The following SSBP3 variants were observed in gnomAD, a reference collection of about 807,000 sequenced individuals.
SSBP3 encodes the protein single stranded DNA binding protein 3.
Under a neutral mutation model 69.6 loss-of-function variants are expected in SSBP3, and 5 were observed. The ratio of observed to expected loss-of-function variants is 0.07; its 90% CI spans 0.04 to 0.15. The LOEUF is 0.15. SSBP3 is among the 10% of genes least tolerant of loss of function. The pLI, the probability that SSBP3 is intolerant of heterozygous loss-of-function variation, is 1.00. For synonymous variants in SSBP3, 196 were observed against 193.4 expected (o/e 1.01, Z -0.11); for missense variants, 312 against 534.0 (o/e 0.58, Z 4.10).
At chr1:54,380,141 C>T (rs1173679127) in intron 4 of SSBP3, among the ~76,000 whole-genome samples, 1 of 152,176 alleles carries the variant, frequency 6.6e-6, no homozygotes, top group African/African-American at 2.4e-5. Flanking sequence ...GGGCTGGGCG[C>T]CCAAGTTGGT....
intron 4 of SSBP3, among the ~76,000 whole-genome samples, chr1:54,311,586 G>A (rs1469007056): frequency 1.3e-5 from 2 of 152,106 alleles, no homozygotes; most frequent in African/African-American, 2.4e-5. Context: ...GAGAGCATGT[G>A]AGCCAGCCCC....
At chr1:54,325,127 C>T (rs1466586958) in intron 4 of SSBP3, among the ~76,000 whole-genome samples, 1 of 152,188 alleles carries the variant, frequency 6.6e-6, no homozygotes, top group Non-Finnish European at 1.5e-5. Flanking sequence ...ACTGCAGTTC[C>T]ATTTTATAAA....
chr1:54,373,425 T>C (rs999722826), intron 4 of SSBP3, among the ~76,000 whole-genome samples: 1 of 152,132 alleles, frequency 6.6e-6, no homozygotes, highest in African/African-American at 2.4e-5. Flanking sequence ...CCTCTGGGGC[T>C]GCCCTGGATG....
At chr1:54,323,077 T>A (rs1646242399) in intron 4 of SSBP3, among the ~76,000 whole-genome samples, 2 of 152,216 alleles carry the variant, frequency 1.3e-5, no homozygotes, top group Non-Finnish European at 2.9e-5. Flanking sequence ...CTTTTTGAGT[T>A]ATTTGGAACT....
intron 4 of SSBP3, among the ~76,000 whole-genome samples, chr1:54,308,286 G>A (rs546548303): frequency 1.2e-4 from 18 of 152,188 alleles, no homozygotes; most frequent in Non-Finnish European, 2.2e-4. Flanking sequence ...GTGAAATCCC[G>A]TCTCTACTAA....
chr1:54,329,535 C>G (rs547604228), intron 4 of SSBP3, among the ~76,000 whole-genome samples: 1 of 152,334 alleles, frequency 6.6e-6, no homozygotes, highest in African/African-American at 2.4e-5. Flanking sequence ...AACAAGAGGG[C>G]CCACTGTCAG....
At position 54,228,832 on chromosome 1, in the gene SSBP3, G is replaced by A. The variant is rs777607380; in HGVS notation, c.928-6C>T. On this transcript the variant is annotated splice_region_variant and splice_polypyrimidine_tract_variant and intron_variant, in intron 14 of 17. Coordinates refer to ENST00000610401, the Ensembl canonical transcript of SSBP3. The stretch of plus-strand genomic sequence containing the variant: ...GAGCCGGGACCCATCGGGAACTGGG[G>A]AAGAAGCACAGGGCATGGCAGCTCA... 14 of 1,611,398 alleles carry A rather than the reference G, an allele frequency of 8.7e-6. No homozygotes were observed. The East Asian group carries it at 2.7e-4, about 31-fold the overall frequency.
At chr1:54,332,129 G>A (rs1018411148) in intron 4 of SSBP3, among the ~76,000 whole-genome samples, 5 of 152,232 alleles carry the variant, frequency 3.3e-5, no homozygotes, top group Non-Finnish European at 5.9e-5. Flanking sequence ...GTGGATTCCA[G>A]GCTGCCTAGC....
exon 18 of SSBP3, chr1:54,225,553 A>T (rs1644272781): frequency 1.5e-6 from 1 of 665,764 alleles, no homozygotes; most frequent in East Asian, 3.4e-5. Flanking sequence ...GGTAAGAAAA[A>T]ACACAGAAAC....
At chr1:54,317,988 G>C (rs921649346) in intron 4 of SSBP3, among the ~76,000 whole-genome samples, 3 of 152,104 alleles carry the variant, frequency 2.0e-5, no homozygotes, top group Admixed American at 6.6e-5. Flanking sequence ...GACTGGTCTC[G>C]AACTCCTGAC....
intron 3 of SSBP3, among the ~76,000 whole-genome samples, chr1:54,403,662 C>A (rs1649466349): frequency 6.6e-6 from 1 of 152,208 alleles, no homozygotes; most frequent in Admixed American, 6.5e-5. Context: ...GGCAGATAAA[C>A]CCGCTAAGAT....
chr1:54,327,404 T>A (rs1366175103), intron 4 of SSBP3, among the ~76,000 whole-genome samples: 1 of 152,274 alleles, frequency 6.6e-6, no homozygotes, highest in African/African-American at 2.4e-5. Flanking sequence ...GGGAAAGCCA[T>A]GGCATCATCT....
intron 14 of SSBP3, among the ~76,000 whole-genome samples, chr1:54,230,792 T>A (rs559644204): frequency 6.6e-6 from 1 of 152,350 alleles, no homozygotes; most frequent in African/African-American, 2.4e-5. Context: ...GCTGGTTTCT[T>A]TCACTTAGCA....
intron 4 of SSBP3, among the ~76,000 whole-genome samples, chr1:54,318,025 C>A (rs1646145321): frequency 6.6e-6 from 1 of 152,192 alleles, no homozygotes; most frequent in Admixed American, 6.5e-5. Context: ...GCTTTGGCCT[C>A]CCAAATTGGT....
chr1:54,406,060 C>CCGCCGCCGCCGA, exon 1 of SSBP3: 1 of 1,418,334 alleles, frequency 7.1e-7, no homozygotes, highest in Non-Finnish European at 9.4e-7. Flanking sequence ...GCCGCCGCCG[C>CCGCCGCCGCCGA]TACCGCTCCG....
intron 4 of SSBP3, among the ~76,000 whole-genome samples, chr1:54,342,161 C>T (rs1646620379): frequency 6.6e-6 from 1 of 152,246 alleles, no homozygotes; most frequent in African/African-American, 2.4e-5. Context: ...CAGCGCAGCC[C>T]AGGCTGCAGA....
intron 4 of SSBP3, among the ~76,000 whole-genome samples, chr1:54,328,191 AGGGCCC>A (rs1646344973): frequency 6.6e-6 from 1 of 152,102 alleles, no homozygotes; most frequent in Non-Finnish European, 1.5e-5. Flanking sequence ...TGCAAGCAAC[AGGGCCC>A]GCAGCGAACA....
intron 4 of SSBP3, among the ~76,000 whole-genome samples, chr1:54,377,534 A>G (rs1002742228): frequency 2.6e-5 from 4 of 152,228 alleles, no homozygotes; most frequent in African/African-American, 9.6e-5. Flanking sequence ...ACACTCAGGA[A>G]GGGTGGTGCC....
intron 5 of SSBP3, among the ~76,000 whole-genome samples, chr1:54,273,123 G>A (rs1256154852): frequency 1.3e-5 from 2 of 152,256 alleles, no homozygotes; most frequent in Non-Finnish European, 2.9e-5. Flanking sequence ...GGCCCAAGCA[G>A]CTGTTGGGTG....
Sources: allele counts gnomAD v4.1 joint callset (sites outside exome capture counted in the v4.1 genomes callset), GRCh38; gene constraint gnomAD v4.1.1; transcripts MANE v1.5; gene names NCBI Gene and HGNC (gene_info 2026-07-23, HGNC 2026-07-21).